LRRFIP1: variants seen among roughly 807,000 people sequenced by gnomAD.
The protein encoded by LRRFIP1 is LRR binding FLII interacting protein 1.
In LRRFIP1, 62 loss-of-function variants were observed where a neutral mutation model predicts 104.4. The observed-to-expected ratio is 0.59, with a 90% confidence interval of 0.48 to 0.73. LRRFIP1 has a LOEUF of 0.73. Among genes scored for constraint, LRRFIP1 ranks in the 30% least tolerant of loss-of-function variants. LRRFIP1 has a pLI of 0.00. For missense variants in LRRFIP1, 796 were observed against 824.5 expected (o/e 0.97, Z 0.42); for synonymous variants, 300 against 299.0 (o/e 1.00, Z -0.03).
At chr2:237,694,860 C>T (rs573383000) in intron 1 of LRRFIP1, among the ~76,000 whole-genome samples, 4 of 152,204 alleles carry the variant, frequency 2.6e-5, no homozygotes, top group African/African-American at 7.2e-5. Context: ...TGTGTCACCC[C>T]GCTCTCTTTC....
chr2:237,732,748 G>GT (rs1041166312), intron 8 of LRRFIP1, among the ~76,000 whole-genome samples: 37 of 152,224 alleles, frequency 2.4e-4, no homozygotes, highest in African/African-American at 8.9e-4. Flanking sequence ...GGTTTCATTT[G>GT]TTTTTTTAAA....
chr2:237,637,040 C>G (rs1220509354), intron 1 of LRRFIP1, among the ~76,000 whole-genome samples: 5 of 152,192 alleles, frequency 3.3e-5, no homozygotes, highest in African/African-American at 1.2e-4. Context: ...CGGCTAACCT[C>G]TAGTGTCTAC....
In LRRFIP1 at chr2:237,766,112, C is replaced by A. The variant is rs2060236628; in HGVS notation, c.1460-3831C>A. ...GAGCCTGGGGCTAGCATGGGCATTA[C>A]TGGGAGAACTGAGACGATTGTCACG... On this transcript the variant is annotated intron_variant, in intron 19 of 23. Coordinates refer to ENST00000308482, the MANE Select transcript of LRRFIP1 (RefSeq NM_001137550.2). This position sits in a 1 kb window ranked among gnomAD's most constrained non-coding sequence, Gnocchi z 4.8. Among the ~76,000 whole-genome samples, 1 of 152,166 alleles carries A rather than the reference C, an allele frequency of 6.6e-6. No homozygotes were observed.
intron 11 of LRRFIP1, among the ~76,000 whole-genome samples, chr2:237,740,537 A>G (rs1374990111): frequency 6.6e-6 from 1 of 152,196 alleles, no homozygotes; most frequent in African/African-American, 2.4e-5. Context: ...TAACGTTCCT[A>G]GTAATCAACC....
At chr2:237,698,235 C>T (rs1033806358) in intron 1 of LRRFIP1, among the ~76,000 whole-genome samples, 6 of 152,222 alleles carry the variant, frequency 3.9e-5, no homozygotes, top group Admixed American at 1.3e-4. Context: ...TCACCTCTGG[C>T]ATGAACCCAA....
At chr2:237,672,218 T>C (rs755243222) in intron 1 of LRRFIP1, among the ~76,000 whole-genome samples, 4 of 152,202 alleles carry the variant, frequency 2.6e-5, no homozygotes, top group Non-Finnish European at 5.9e-5. Flanking sequence ...CAAGCACCTG[T>C]ATCCAGAAAA....
intron 19 of LRRFIP1, chr2:237,763,978 T>C (rs1461075809): frequency 6.8e-6 from 11 of 1,614,024 alleles, no homozygotes; most frequent in Middle Eastern, 1.6e-4. Flanking sequence ...TGTCAGAACA[T>C]CCAAGTCAGA....
rs540096000 is a variant in LRRFIP1 at position 237,735,147 on chromosome 2, A to G, written c.490-121A>G. The G allele has an allele frequency of 8.3e-6, 6 of 724,054 alleles. No homozygotes were observed. Among genetic ancestry groups the G allele is most frequent in the South Asian group, 3.6e-5 (2 of 55,070 alleles). 44.9% of individuals were successfully genotyped at this position (724,054 alleles called of 1,614,324 possible). On this transcript the variant is annotated intron_variant, in intron 9 of 23. Transcript: ENST00000308482. The surrounding 1 kb of genome is among the most constrained non-coding windows in gnomAD (Gnocchi z 4.6). ...AAAGGTGGTTCTCAGCCTCCCCTGC[A>G]TGCTTTTTCAGGTCATGCTCCTGGC...
At chr2:237,776,166 G>T (rs541219542) in intron 23 of LRRFIP1, among the ~76,000 whole-genome samples, 251 of 151,990 alleles carry the variant, frequency 1.7e-3, no homozygotes, top group African/African-American at 5.8e-3. Flanking sequence ...CTCCATGTTG[G>T]CCAGGCTGGT....
chr2:237,664,204 C>A (rs879377362), intron 1 of LRRFIP1, among the ~76,000 whole-genome samples: 28 of 152,242 alleles, frequency 1.8e-4, no homozygotes, highest in Admixed American at 1.7e-3. Flanking sequence ...GAGGCTTAGT[C>A]CTGGCTGGGG....
chr2:237,741,272 G>T (rs1050827393), intron 11 of LRRFIP1, among the ~76,000 whole-genome samples: 1 of 152,172 alleles, frequency 6.6e-6, no homozygotes, highest in Non-Finnish European at 1.5e-5. Context: ...CTGACAAGTT[G>T]GTCTTGATGC....
chr2:237,682,535 C>T (rs1416303290), intron 1 of LRRFIP1, among the ~76,000 whole-genome samples: 2 of 152,200 alleles, frequency 1.3e-5, no homozygotes, highest in Non-Finnish European at 1.5e-5. Flanking sequence ...TCTCTCCCAT[C>T]GGCTTACTCT....
Position 237,636,129 on chromosome 2 carries a change from G to A in LRRFIP1, c.96+8389G>A, listed in dbSNP as rs149154212. Among the ~76,000 whole-genome samples the A allele has an allele frequency of 5.7e-3, 857 of 150,844 alleles. 9 individuals carry two copies. The highest frequency in any genetic ancestry group is 0.019 in the African/African-American group (784 of 41,156). On this transcript the variant is annotated intron_variant, in intron 1 of 23. Transcript: ENST00000308482. The stretch of plus-strand genomic sequence containing the variant: ...AAAAAAAAAAAATTTAAAAGAAAAA[G>A]TTTGGAAACTTTTAGGATCTTCTCT...
At chr2:237,750,124 G>A (rs1207013237) in intron 13 of LRRFIP1, among the ~76,000 whole-genome samples, 1 of 152,096 alleles carries the variant, frequency 6.6e-6, no homozygotes, top group African/African-American at 2.4e-5. Context: ...TGAGCAGCTG[G>A]ATGGCCGTTT....
At chr2:237,648,956 G>A (rs2149376235) in intron 1 of LRRFIP1, among the ~76,000 whole-genome samples, 1 of 152,070 alleles carries the variant, frequency 6.6e-6, no homozygotes, top group African/African-American at 2.4e-5. Context: ...CAATGCATGT[G>A]TCAGTCCCAT....
In LRRFIP1 at chr2:237,703,434, G is replaced by A. The variant is rs549318305; in HGVS notation, c.97-5110G>A. Among the ~76,000 whole-genome samples the A allele has an allele frequency of 3.9e-5, 6 of 152,080 alleles. No individual in the cohort carries two copies. The highest frequency in any genetic ancestry group is 2.1e-4 in the South Asian group (1 of 4,826). Reference sequence around the variant, plus strand: ...GTTTCTAAAACAAAAGTCAGATTCCGCTGTGTTCTTAAAACCCTTCAGTGG... The same window carrying A: ...GTTTCTAAAACAAAAGTCAGATTCCACTGTGTTCTTAAAACCCTTCAGTGG... On this transcript the variant is annotated intron_variant, in intron 1 of 23. Transcript: ENST00000308482. The surrounding 1 kb of genome is among the most constrained non-coding windows in gnomAD (Gnocchi z 4.3).
intron 1 of LRRFIP1, among the ~76,000 whole-genome samples, chr2:237,657,631 T>A (rs889136892): frequency 2.6e-5 from 4 of 152,338 alleles, no homozygotes; most frequent in Admixed American, 6.5e-5. Context: ...GTGACAGAAT[T>A]GTTCACGCTT....
At chr2:237,675,906 GC>G (rs1390809028) in intron 1 of LRRFIP1, among the ~76,000 whole-genome samples, 2 of 152,218 alleles carry the variant, frequency 1.3e-5, no homozygotes, top group African/African-American at 2.4e-5. Context: ...TGGACAGGAT[GC>G]TGTAAAGCAG....
At chr2:237,760,510 G>A (rs2059746185) in intron 19 of LRRFIP1, among the ~76,000 whole-genome samples, 1 of 152,236 alleles carries the variant, frequency 6.6e-6, no homozygotes, top group Non-Finnish European at 1.5e-5. Flanking sequence ...TAACAATGTG[G>A]AGAGTACTAT....
Sources: allele counts gnomAD v4.1 joint callset (sites outside exome capture counted in the v4.1 genomes callset), GRCh38; gene constraint gnomAD v4.1.1; non-coding constraint Gnocchi (gnomAD v3.1); transcripts MANE v1.5; gene names NCBI Gene and HGNC (gene_info 2026-07-23, HGNC 2026-07-21).